Variants in TYK2 observed in about 807,000 individuals in gnomAD.
The protein encoded by TYK2 is tyrosine kinase 2, also known as non-receptor tyrosine-protein kinase TYK2.
In TYK2, 65 loss-of-function variants were observed where a neutral mutation model predicts 130.9. The observed-to-expected ratio is 0.50, with a 90% CI of 0.41 to 0.61. The LOEUF (loss-of-function observed/expected upper bound fraction) is 0.61. Among genes scored for constraint, TYK2 ranks in the 20% least tolerant of loss-of-function variants. The pLI is 0.00. For synonymous variants in TYK2, 647 were observed against 658.9 expected (o/e 0.98, Z 0.28); for missense variants, 1,378 against 1,610.7 (o/e 0.86, Z 2.47).
At chr19:10,369,493 G>T (rs1459119495) in intron 3 of TYK2, among the ~76,000 whole-genome samples, 1 of 152,026 alleles carries the variant, frequency 6.6e-6, no homozygotes, top group Admixed American at 6.6e-5. Context: ...GGAGTTGATG[G>T]GATTATGGCT....
rs1445075795 is a variant in TYK2, at chr19:10,365,765, C to T, written c.763G>A (p.Val255Ile). The change falls in exon 7 of 25, where the codon GTC becomes ATC. Residue 255 changes from valine (V) to isoleucine (I), a missense_variant. Physicochemically the swap from Val to Ile is conservative, Grantham distance 29. Coordinates refer to ENST00000525621, the MANE Select transcript of TYK2 (RefSeq NM_003331.5). ...FQPGRLSQQM[V>I]MVKYLATLER... ...AGTGTGGCTAGGTATTTGACCATGA[C>T]CATCTGCTGGGAGAGTCGGCCCGGC... is the stretch of plus-strand genomic sequence containing the variant. 1 of 1,612,756 alleles carries T rather than the reference C, an allele frequency of 6.2e-7. No individual in the cohort carries two copies. Among genetic ancestry groups the T allele is most frequent in the African/African-American group, 1.3e-5 (1 of 74,934 alleles).
Position 10,368,189 on chromosome 19 carries a change from T to G in TYK2, c.331A>C (p.Asn111His). Residue 111 changes from asparagine (N) to histidine (H), a missense_variant, in exon 5 of 25, where the codon AAC becomes CAC. Transcript: ENST00000525621. ...TCCCGAGGATTCATGCCATGCCAGT[T>G]CCGGAAATAAAACCTGCAGGAAGGA... Reference protein sequence around the residue: ...LYFRIRFYFRNWHGMNPREPA... With the variant: ...LYFRIRFYFRHWHGMNPREPA... 1 of 1,614,022 alleles carries G rather than the reference T, an allele frequency of 6.2e-7. No homozygotes were observed. The highest frequency in any genetic ancestry group is 8.5e-7 in the Non-Finnish European group (1 of 1,180,014).
Position 10,353,750 on chromosome 19 carries a change from A to G in TYK2, c.2909-104T>C. On this transcript the variant is annotated intron_variant, in intron 20 of 24. Coordinates refer to ENST00000525621, the MANE Select transcript of TYK2 (RefSeq NM_003331.5). The surrounding 1 kb of genome is among the most constrained non-coding windows in gnomAD (Gnocchi z 6.9). Reference sequence around the variant, plus strand: ...CCCTCCAAGGTCGGGAGGGAAGGCCAAGACCCGCGCACACTAGACCCAGTT... The same window carrying G: ...CCCTCCAAGGTCGGGAGGGAAGGCCGAGACCCGCGCACACTAGACCCAGTT... The G allele has an allele frequency of 2.3e-6, 2 of 854,212 alleles. No individual in the cohort carries two copies. Among genetic ancestry groups the G allele is most frequent in the Non-Finnish European group, 3.5e-6 (2 of 566,784 alleles). 52.9% of individuals were successfully genotyped at this position (854,212 alleles called of 1,614,324 possible).
At chr19:10,362,715 CG>C (rs781621345) in intron 9 of TYK2, 58 bp from the exon 10 acceptor site, 2 of 1,445,814 alleles carry the variant, frequency 1.4e-6, no homozygotes, top group Non-Finnish European at 1.9e-6. Flanking sequence ...GACCCATACC[CG>C]GGAACAATGA....
intron 22 of TYK2, 120 bp from the exon 23 acceptor site, chr19:10,352,671 A>C: frequency 1.4e-6 from 1 of 731,030 alleles, no homozygotes; most frequent in Middle Eastern, 2.7e-4. Context: ...ACCCACCCTT[A>C]AGAGCGCAGC....
chr19:10,355,459 G>A (rs1009485092), intron 18 of TYK2, among the ~76,000 whole-genome samples: 2 of 151,976 alleles, frequency 1.3e-5, no homozygotes, highest in Non-Finnish European at 2.9e-5. Flanking sequence ...AGCCAACACA[G>A]TGAAACCCCG....
chr19:10,378,851 T>TCTTATCTTATCTTAC (rs2042267252), intron 2 of TYK2, among the ~76,000 whole-genome samples: 1 of 150,868 alleles, frequency 6.6e-6, no homozygotes, highest in South Asian at 2.1e-4. Flanking sequence ...TCTTATCTTA[T>TCTTATCTTATCTTAC]CTTATCTTAT....
chr19:10,366,682 G>T, intron 5 of TYK2, 102 bp from the exon 6 acceptor site: 1 of 1,202,020 alleles, frequency 8.3e-7, no homozygotes, highest in Non-Finnish European at 1.2e-6. Flanking sequence ...ACTGGAAGAA[G>T]TGTCTTGGGC....
In TYK2 at chr19:10,364,636, C is replaced by T; in HGVS notation, c.1345G>A (p.Asp449Asn). The T allele has an allele frequency of 1.2e-6, 2 of 1,613,846 alleles. No homozygotes were observed. Among genetic ancestry groups the T allele is most frequent in the Non-Finnish European group, 1.7e-6 (2 of 1,179,996 alleles). The change falls in exon 9 of 25, where the codon GAT (aspartate) becomes AAT (asparagine). Residue 449 changes from aspartate to asparagine, a missense_variant. Transcript: ENST00000525621. The surrounding 1 kb of genome is among the most constrained non-coding windows in gnomAD (Gnocchi z 4.9). ...APPRLVMSIR[D>N]GIHGPLLEPF... ...CACAGCAGGGGTCCGTGGATCCCATCCCGGATGCTCATCACCAGCCGTGGG... is the reference window on the plus strand; with the variant it reads ...CACAGCAGGGGTCCGTGGATCCCATTCCGGATGCTCATCACCAGCCGTGGG...
At position 10,364,748 on chromosome 19, in the gene TYK2, A is replaced by G. The variant is rs1004308046; in HGVS notation, c.1233T>C (p.Ala411=). The stretch of plus-strand genomic sequence containing the variant: ...CCAGCGACACGAAGGACAGCGCCGC[A>G]GCCCGGGAAGGCAAGCTCAGCTCCT... The part of the protein sequence containing the change: ...KCLELSLPSR[A]AALSFVSLVD... Residue 411 remains alanine (A), a synonymous_variant, in exon 9 of 25, where the codon GCT becomes GCC. Coordinates refer to ENST00000525621, the MANE Select transcript of TYK2 (RefSeq NM_003331.5). This position sits in a 1 kb window ranked among gnomAD's most constrained non-coding sequence, Gnocchi z 4.9. The G allele has an allele frequency of 3.7e-6, 6 of 1,613,802 alleles. No homozygotes were observed. The Admixed American group carries it at 1.0e-4, about 27-fold the overall frequency.
At chr19:10,354,749 G>T in intron 18 of TYK2, 140 bp from the exon 19 acceptor site, 1 of 720,548 alleles carries the variant, frequency 1.4e-6, no homozygotes, top group Non-Finnish European at 2.5e-6. Context: ...ACAGCTGAAA[G>T]AGTCCACTTA....
intron 3 of TYK2, among the ~76,000 whole-genome samples, chr19:10,372,177 T>A (rs2041932036): frequency 6.6e-6 from 1 of 151,246 alleles, no homozygotes; most frequent in African/African-American, 2.4e-5. Context: ...ATTTTTTTAG[T>A]AGAGACGGGG....
At chr19:10,352,039 A>G (rs1399984920) in intron 23 of TYK2, among the ~76,000 whole-genome samples, 4 of 148,768 alleles carry the variant, frequency 2.7e-5, no homozygotes, top group Admixed American at 6.8e-5. Context: ...CGCCCGGCCT[A>G]TGCCTTTCTT....
At chr19:10,358,171 CAGGAG>C in intron 15 of TYK2, 33 bp from the exon 16 acceptor site, 3 of 1,583,720 alleles carry the variant, frequency 1.9e-6, no homozygotes, top group Non-Finnish European at 2.6e-6. Flanking sequence ...TGTGGCCACT[CAGGAG>C]AGGCACAGAC....
chr19:10,353,498 GCTCCAGAAGCAGGGGCGGGGCCGACCAAC>G lies in TYK2; in HGVS notation c.3027+1_3027+29del. On this transcript the variant is annotated splice_donor_variant and splice_donor_5th_base_variant and intron_variant, in intron 21 of 24. Transcript: ENST00000525621. LOFTEE classifies it high-confidence loss of function. This position sits in a 1 kb window ranked among gnomAD's most constrained non-coding sequence, Gnocchi z 6.9. ...GCCCAAGCTGAAGAGGAAGGGGCAAGCTCCAGAAGCAGGGGCGGGGCCGACCAACCTCGCAGATCTGCTGGGCGAAGAGC... is the reference window on the plus strand; with the variant it reads ...GCCCAAGCTGAAGAGGAAGGGGCAAGCTCGCAGATCTGCTGGGCGAAGAGC... 6.9e-7 allele frequency: 1 copy of G among 1,449,844 alleles called. No individual in the cohort carries two copies. The highest frequency in any genetic ancestry group is 9.2e-7 in the Non-Finnish European group (1 of 1,085,406). The allele number at this position is 1,449,844 out of a possible 1,614,324, so 89.8% of individuals were successfully genotyped here. A position where few individuals can be genotyped will look rare whatever the true frequency, so the allele number is the denominator to read the frequency against.
In TYK2 at chr19:10,353,047, G is replaced by A; in HGVS notation, c.3079C>T (p.Arg1027Cys). 6.3e-7 allele frequency: 1 copy of A among 1,591,062 alleles called. No homozygotes were observed. The highest frequency in any genetic ancestry group is 2.3e-5 in the East Asian group (1 of 44,346). ...CTGTCGTTGTCCAGCAGCACGTTGCGCGCGGCTAGGTCTCGGTGGATGTAG... is the reference window on the plus strand; with the variant it reads ...CTGTCGTTGTCCAGCAGCACGTTGCACGCGGCTAGGTCTCGGTGGATGTAG... Reference protein sequence around the residue: ...QHYIHRDLAARNVLLDNDRLV... With the variant: ...QHYIHRDLAACNVLLDNDRLV... Residue 1027 changes from arginine to cysteine, a missense_variant, in exon 22 of 25, where the codon CGC becomes TGC. Physicochemically the swap from Arg to Cys is radical, Grantham distance 180. Coordinates refer to ENST00000525621, the MANE Select transcript of TYK2 (RefSeq NM_003331.5). This position sits in a 1 kb window ranked among gnomAD's most constrained non-coding sequence, Gnocchi z 6.9.
At chr19:10,352,718 ATTGGCTAGGC>A (rs2040873813) in intron 22 of TYK2, among the ~76,000 whole-genome samples, 167 bp from the exon 23 acceptor site, 1 of 151,334 alleles carries the variant, frequency 6.6e-6, no homozygotes, top group Non-Finnish European at 1.5e-5. Context: ...TAGGCCGCTC[ATTGGCTAGGC>A]CGGGTTAACC....
In TYK2 at chr19:10,368,179, C is replaced by A; in HGVS notation, c.341G>T (p.Gly114Val). 6.2e-7 allele frequency: 1 copy of A among 1,614,136 alleles called. No homozygotes were observed. The highest frequency in any genetic ancestry group is 8.5e-7 in the Non-Finnish European group (1 of 1,180,028). The change falls in exon 5 of 25, where the codon GGC becomes GTC. Residue 114 changes from glycine (G) to valine (V), a missense_variant. Physicochemically the swap from Gly to Val is moderately radical, Grantham distance 109. Coordinates refer to ENST00000525621, the MANE Select transcript of TYK2 (RefSeq NM_003331.5). The part of the protein sequence containing the change: ...RIRFYFRNWH[G>V]MNPREPAVYR... ...CACAGCCGGTTCCCGAGGATTCATG[C>A]CATGCCAGTTCCGGAAATAAAACCT...
chr19:10,376,421 C>G (rs1044115808), intron 3 of TYK2, among the ~76,000 whole-genome samples: 2 of 132,428 alleles, frequency 1.5e-5, no homozygotes, highest in African/African-American at 6.2e-5. Context: ...TATTCTCCTG[C>G]CTCAGCCTTC....
Sources: allele counts gnomAD v4.1 joint callset (sites outside exome capture counted in the v4.1 genomes callset), GRCh38; gene constraint gnomAD v4.1.1; non-coding constraint Gnocchi (gnomAD v3.1); transcripts MANE v1.5; gene names NCBI Gene and HGNC (gene_info 2026-07-23, HGNC 2026-07-21).